The following PDE1C variants were observed in gnomAD, a reference collection of about 807,000 sequenced individuals.
The protein encoded by PDE1C is dual specificity calcium/calmodulin-dependent 3',5'-cyclic nucleotide phosphodiesterase 1C.
PDE1C carries 62 observed loss-of-function variants against 93.1 expected under a neutral mutation model. The observed-to-expected ratio is 0.67, with a 90% CI of 0.54 to 0.82. The LOEUF is 0.82. PDE1C is among the 40% of genes least tolerant of loss of function. The pLI is 0.00. For missense variants in PDE1C, 742 were observed against 884.6 expected, an observed-to-expected ratio of 0.84 and a Z score of 2.04; for synonymous variants, 325 against 310.1, an observed-to-expected ratio of 1.05 and a Z score of -0.50.
At chr7:32,361,754 G>C (rs1784140624) in intron 1 of PDE1C, among the ~76,000 whole-genome samples, 1 of 152,146 alleles carries the variant, frequency 6.6e-6, no homozygotes. Flanking sequence ...TCTCATACCA[G>C]TGACCACGGT....
intron 2 of PDE1C, among the ~76,000 whole-genome samples, chr7:31,905,732 GT>G (rs957395177): frequency 6.6e-6 from 1 of 152,088 alleles, no homozygotes; most frequent in Non-Finnish European, 1.5e-5. Flanking sequence ...AGCTGATAAG[GT>G]TTGGCTGTGT....
intron 17 of PDE1C, among the ~76,000 whole-genome samples, 163 bp downstream of exon 17, chr7:31,775,500 AG>A (rs1795764863): frequency 1.3e-5 from 2 of 152,130 alleles, no homozygotes; most frequent in Non-Finnish European, 2.9e-5. Flanking sequence ...CCATTCCTAG[AG>A]GGGCCTCACA....
intron 1 of PDE1C, among the ~76,000 whole-genome samples, chr7:32,222,256 G>A (rs886229736): frequency 1.1e-4 from 16 of 152,174 alleles, no homozygotes; most frequent in African/African-American, 3.6e-4. Flanking sequence ...GCTTCAGGCT[G>A]AACAGATCAA....
chr7:31,766,549 C>T (rs1430890941), intron 17 of PDE1C, among the ~76,000 whole-genome samples: 1 of 152,106 alleles, frequency 6.6e-6, no homozygotes, highest in Non-Finnish European at 1.5e-5. Flanking sequence ...AATTAAGTTA[C>T]CCGGCAGATC....
chr7:31,998,103 T>C (rs1784973488), intron 2 of PDE1C, among the ~76,000 whole-genome samples: 1 of 152,148 alleles, frequency 6.6e-6, no homozygotes, highest in African/African-American at 2.4e-5. Context: ...CACTGCAATC[T>C]CTGCCTCCTG....
At chr7:32,185,247 G>GAAAA (rs60570476) in intron 2 of PDE1C, among the ~76,000 whole-genome samples, 3 of 101,528 alleles carry the variant, frequency 3.0e-5, no homozygotes, top group Admixed American at 1.2e-4. Flanking sequence ...CTCTGTCTCA[G>GAAAA]AAAAAAAAAA....
the PDE1C span, among the ~76,000 whole-genome samples, chr7:31,740,441 G>T: frequency 0.065 from 9,839 of 152,174 alleles, 362 homozygotes; most frequent in African/African-American, 0.1. Flanking sequence ...TTAAAAAATT[G>T]AGAAAGTGCA....
chr7:31,716,444 TG>T, the PDE1C span, among the ~76,000 whole-genome samples: 316 of 152,302 alleles, frequency 2.1e-3, 4 homozygotes, highest in Admixed American at 0.02. Context: ...CACAATAATA[TG>T]GTTCACATTT....
chr7:31,705,628 G>A, the PDE1C span, among the ~76,000 whole-genome samples: 1 of 152,192 alleles, frequency 6.6e-6, no homozygotes, highest in Non-Finnish European at 1.5e-5. Flanking sequence ...TCAACACATA[G>A]TTTTCATTAA....
the PDE1C span, among the ~76,000 whole-genome samples, chr7:31,744,169 T>G: frequency 1.2e-4 from 18 of 152,186 alleles, no homozygotes; most frequent in Admixed American, 5.2e-4. Context: ...GAGTTCTGTC[T>G]TTATTATATT....
chr7:32,006,687 T>G (rs1476238671), intron 2 of PDE1C, among the ~76,000 whole-genome samples: 1 of 152,194 alleles, frequency 6.6e-6, no homozygotes, highest in African/African-American at 2.4e-5. Flanking sequence ...GTGATGAAAT[T>G]CCATAAACAG....
intron 3 of PDE1C, among the ~76,000 whole-genome samples, chr7:32,081,419 A>G (rs964264798): frequency 3.3e-5 from 5 of 152,220 alleles, no homozygotes; most frequent in African/African-American, 1.2e-4. Flanking sequence ...TGTGAAAATC[A>G]GTCCCATTCT....
intron 3 of PDE1C, among the ~76,000 whole-genome samples, chr7:32,153,763 C>T (rs1198688010): frequency 6.6e-6 from 1 of 152,178 alleles, no homozygotes; most frequent in Non-Finnish European, 1.5e-5. Flanking sequence ...AAAAAAGTGA[C>T]TGGTGGCTGC....
chr7:32,211,632 A>G (rs990382895), intron 1 of PDE1C, among the ~76,000 whole-genome samples: 1 of 152,118 alleles, frequency 6.6e-6, no homozygotes, highest in Non-Finnish European at 1.5e-5. Flanking sequence ...GGACGGAGGA[A>G]GAACAAATGA....
intron 3 of PDE1C, among the ~76,000 whole-genome samples, chr7:32,084,204 A>C (rs1484077209): frequency 1.3e-5 from 2 of 152,078 alleles, no homozygotes; most frequent in Non-Finnish European, 2.9e-5. Flanking sequence ...TTGCAATCCT[A>C]GTCTCTGATA....
intron 1 of PDE1C, among the ~76,000 whole-genome samples, chr7:32,403,570 C>T (rs751105624): frequency 2.0e-5 from 3 of 152,146 alleles, no homozygotes; most frequent in Non-Finnish European, 2.9e-5. Flanking sequence ...AGGAGACCTG[C>T]GGTGTGGAAG....
intron 3 of PDE1C, among the ~76,000 whole-genome samples, chr7:32,118,896 T>A (rs1337039096): frequency 1.3e-5 from 2 of 152,140 alleles, no homozygotes; most frequent in East Asian, 3.9e-4. Flanking sequence ...TCTAGATCAT[T>A]TGTGATACTG....
chr7:32,373,767 C>T (rs1252623616), intron 1 of PDE1C, among the ~76,000 whole-genome samples: 1 of 152,150 alleles, frequency 6.6e-6, no homozygotes, highest in Non-Finnish European at 1.5e-5. Flanking sequence ...GCAGGCAGAT[C>T]ACTTGAGATC....
intron 1 of PDE1C, among the ~76,000 whole-genome samples, chr7:32,426,763 T>G (rs892836723): frequency 2.6e-5 from 4 of 152,166 alleles, no homozygotes; most frequent in Non-Finnish European, 5.9e-5. Context: ...GTGTCTTCTT[T>G]TAATATTTTG....
Sources: allele counts gnomAD v4.1 joint callset (sites outside exome capture counted in the v4.1 genomes callset), GRCh38; gene constraint gnomAD v4.1.1; transcripts MANE v1.5; gene names NCBI Gene and HGNC (gene_info 2026-07-23, HGNC 2026-07-21).